Variants in LALBA observed in about 807,000 individuals in gnomAD.
The protein encoded by LALBA is alpha-lactalbumin.
LALBA carries 12 observed loss-of-function variants against 13.4 expected under a neutral mutation model. The ratio of observed to expected loss-of-function variants is 0.89; its 90% confidence interval spans 0.57 to 1.45. LALBA has a LOEUF of 1.45. LALBA is among the 40% of genes most tolerant of loss of function. The pLI is 0.00. For missense variants in LALBA, 145 were observed against 165.9 expected (o/e 0.87, Z 0.69); for synonymous variants, 64 against 61.0 (o/e 1.05, Z -0.23).
chr12:48,569,237 A>T lies in LALBA; in HGVS notation c.137T>A (p.Ile46Asn), dbSNP rs1450733473. 1 of 1,611,392 alleles carries T rather than the reference A, an allele frequency of 6.2e-7. No individual in the cohort carries two copies. The highest frequency in any genetic ancestry group is 8.5e-7 in the Non-Finnish European group (1 of 1,178,204). Residue 46 changes from isoleucine (I) to asparagine (N), a missense_variant, in exon 2 of 4, where the codon ATC (isoleucine) becomes AAC (asparagine). By Grantham distance (149) the Ile-to-Asn change is moderately radical (BLOSUM62 -3). Transcript: ENST00000301046. ...GYGGIALPEL[I>N]CTMFHTSGYD... ...ACCACTGGTGTGAAACATGGTACAG[A>T]TCACTGAGGGAAAGATGAGAAAGAG...
In LALBA at chr12:48,567,834, C is replaced by T. The variant is rs1242743842; in HGVS notation, c.*123G>A. ...CTTCAAGAATTCGGTGATGTCACTA[C>T]AGGGCCCAAGGCTCAGAGACAGATA... is the stretch of plus-strand genomic sequence containing the variant. On this transcript the variant is annotated 3_prime_UTR_variant, in exon 4 of 4. Transcript: ENST00000301046. 1.2e-5 allele frequency: 10 copies of T among 827,926 alleles called. No individual in the cohort carries two copies. The highest frequency in any genetic ancestry group is 5.1e-5 in the African/African-American group (3 of 59,006). 51.3% of individuals were successfully genotyped at this position (827,926 alleles called of 1,614,324 possible). A position where few individuals can be genotyped will look rare whatever the true frequency, so the allele number is the denominator to read the frequency against.
In LALBA at chr12:48,568,513, T is replaced by C; in HGVS notation, c.368+4A>G. On this transcript the variant is annotated splice_donor_region_variant and intron_variant, in intron 3 of 3. Transcript: ENST00000301046. The stretch of plus-strand genomic sequence containing the variant: ...GGGAAATAGAAAATAGAATAAGGAT[T>C]CACCAGTAGTCAATTCCTTTAATAT... 1 of 1,506,088 alleles carries C rather than the reference T, an allele frequency of 6.6e-7. No homozygotes were observed. Among genetic ancestry groups the C allele is most frequent in the Non-Finnish European group, 9.2e-7 (1 of 1,082,702 alleles). The allele number at this position is 1,506,088 out of a possible 1,614,324, so 93.3% of individuals were successfully genotyped here.
intron 2 of LALBA, 55 bp from the exon 3 acceptor site, chr12:48,568,647 G>T: frequency 9.4e-7 from 1 of 1,061,440 alleles, no homozygotes; most frequent in Non-Finnish European, 1.4e-6. Context: ...TACCCAGAAA[G>T]GCACTGAGTT....
chr12:48,570,016 C>T lies in LALBA; in HGVS notation c.5G>A (p.Arg2Lys), dbSNP rs201022175. 1 of 1,613,916 alleles carries T rather than the reference C, an allele frequency of 6.2e-7. No homozygotes were observed. Among genetic ancestry groups the T allele is most frequent in the Non-Finnish European group, 8.5e-7 (1 of 1,179,960 alleles). The change falls in exon 1 of 4, where the codon AGG becomes AAG. Residue 2 changes from arginine to lysine, a missense_variant. Transcript: ENST00000301046. M[R>K]FFVPLFLVGI... ...CACCAGGAACAGAGGGACAAAGAACCTCATTTTGGCTACCCCCAAGAACCT... is the reference window on the plus strand; with the variant it reads ...CACCAGGAACAGAGGGACAAAGAACTTCATTTTGGCTACCCCCAAGAACCT...
upstream of LALBA, among the ~76,000 whole-genome samples, chr12:48,571,566 G>A (rs1418297215): frequency 6.6e-6 from 1 of 151,712 alleles, no homozygotes; most frequent in Non-Finnish European, 1.5e-5. Flanking sequence ...TGTATTTTTA[G>A]TAGAGACGGA....
Position 48,569,977 on chromosome 12 carries a change from G to A in LALBA, c.44C>T (p.Pro15Leu), listed in dbSNP as rs1452345511. The A allele has an allele frequency of 6.2e-7, 1 of 1,614,036 alleles. No individual in the cohort carries two copies. Residue 15 changes from proline to leucine, a missense_variant, in exon 1 of 4, where the codon CCT becomes CTT. Transcript: ENST00000301046. ...VPLFLVGILF[P>L]AILAKQFTKC... ...TGTGAATTGCTTGGCCAGGATGGCA[G>A]GGAACAGGATGCCCACCAGGAACAG...
rs1185235649 is a variant in LALBA, at chr12:48,567,851, A to G, written c.*106T>C. On this transcript the variant is annotated 3_prime_UTR_variant, in exon 4 of 4. Coordinates refer to ENST00000301046, the MANE Select transcript of LALBA (RefSeq NM_002289.3). ...TGTCACTACAGGGCCCAAGGCTCAG[A>G]GACAGATAAGCTTTGGGGGAACAGA... 3.1e-6 allele frequency: 3 copies of G among 958,228 alleles called. No homozygotes were observed. The African/African-American group carries it at 4.9e-5, about 16-fold the overall frequency. 59.4% of individuals were successfully genotyped at this position (958,228 alleles called of 1,614,324 possible).
rs781081623 is a variant in LALBA at position 48,569,184 on chromosome 12, T to C, written c.190A>G (p.Asn64Asp). ...AAGAGTCCATATTCCGTGCTTTCATTGTTTTCAACTATGGCTTGTGTGTCA... is the reference window on the plus strand; with the variant it reads ...AAGAGTCCATATTCCGTGCTTTCATCGTTTTCAACTATGGCTTGTGTGTCA... ...GYDTQAIVEN[N>D]ESTEYGLFQI... The change falls in exon 2 of 4, where the codon AAT (asparagine) becomes GAT (aspartate). Residue 64 changes from asparagine to aspartate, a missense_variant. Physicochemically the swap from Asn to Asp is conservative, Grantham distance 23 (BLOSUM62 1). Coordinates refer to ENST00000301046, the MANE Select transcript of LALBA (RefSeq NM_002289.3). The C allele has an allele frequency of 8.7e-6, 14 of 1,613,428 alleles. No individual in the cohort carries two copies. Among genetic ancestry groups the C allele is most frequent in the Admixed American group, 3.3e-5 (2 of 59,954 alleles).
At chr12:48,570,110 A>C, upstream of LALBA, 2 of 1,378,888 alleles carry the variant, frequency 1.5e-6, no homozygotes, top group South Asian at 2.4e-5. Context: ...TCTGGTACCA[A>C]GCCCTACATC....
chr12:48,570,330 G>A (rs1938618357), upstream of LALBA, among the ~76,000 whole-genome samples: 1 of 152,138 alleles, frequency 6.6e-6, no homozygotes, highest in Non-Finnish European at 1.5e-5. Flanking sequence ...TTGGTTCTGG[G>A]AAGCACTGTC....
Position 48,569,913 on chromosome 12 carries a change from A to T in LALBA, c.108T>A (p.Gly36=), listed in dbSNP as rs763593490. 15 of 1,614,068 alleles carry T rather than the reference A, an allele frequency of 9.3e-6. No homozygotes were observed. Among genetic ancestry groups the T allele is most frequent in the Admixed American group, 3.3e-5 (2 of 59,998 alleles). Residue 36 remains glycine, a synonymous_variant, in exon 1 of 4, where the codon GGT becomes GGA. Coordinates refer to ENST00000301046, the MANE Select transcript of LALBA (RefSeq NM_002289.3). ...ATTCAGGCAAAGCGATGCCTCCATA[A>T]CCATCTATGTCTTTCAGCAGCTGGG... ...ELSQLLKDID[G]YGGIALPELI... is the part of the protein sequence containing the mutation.
chr12:48,568,726 G>T, intron 2 of LALBA, 134 bp from the exon 3 acceptor site: 1 of 618,562 alleles, frequency 1.6e-6, no homozygotes. Flanking sequence ...CTATATGAAA[G>T]GACCAATGTG....
chr12:48,569,041 C>T, intron 2 of LALBA, 41 bp downstream of exon 2: 1 of 1,535,942 alleles, frequency 6.5e-7, no homozygotes, highest in Non-Finnish European at 8.8e-7. Flanking sequence ...CAAGGGCAGG[C>T]CTCAGAAAAA....
chr12:48,569,358 A>G, intron 1 of LALBA, 118 bp from the exon 2 acceptor site: 1 of 853,808 alleles, frequency 1.2e-6, no homozygotes, highest in Non-Finnish European at 1.8e-6. Flanking sequence ...CAAAGCTCAG[A>G]GTTTCTTGAT....
At chr12:48,568,360 G>C (rs1045350712) in intron 3 of LALBA, 157 bp downstream of exon 3, 5 of 652,510 alleles carry the variant, frequency 7.7e-6, no homozygotes, top group African/African-American at 5.5e-5. Flanking sequence ...GAGCGAGAGA[G>C]GCTTAATAAC....
chr12:48,569,060 G>T, intron 2 of LALBA, 22 bp downstream of exon 2: 1 of 1,575,848 alleles, frequency 6.3e-7, no homozygotes, highest in South Asian at 1.2e-5. Context: ...AACAGAGAAA[G>T]AGGGTTATAG....
upstream of LALBA, among the ~76,000 whole-genome samples, chr12:48,571,711 A>G (rs1255094543): frequency 1.3e-5 from 2 of 152,076 alleles, no homozygotes; most frequent in Non-Finnish European, 2.9e-5. Flanking sequence ...GGGAACATTT[A>G]TCCCAACCAA....
At chr12:48,571,759 G>C (rs1453643608), upstream of LALBA, among the ~76,000 whole-genome samples, 1 of 152,030 alleles carries the variant, frequency 6.6e-6, no homozygotes. Context: ...CTTCCATATC[G>C]TTATCTCCTA....
rs756985675 is a variant in LALBA at position 48,569,848 on chromosome 12, C to A, written c.133+40G>T. 7.5e-6 allele frequency: 12 copies of A among 1,604,252 alleles called. No individual in the cohort carries two copies. The African/African-American group carries it at 1.5e-4, about 20-fold the overall frequency. ...AGAAAGAGGGGATGGAGGAGAGAAGCGTATGAGGAATGGATGAAACACAGA... is the reference window on the plus strand; with the variant it reads ...AGAAAGAGGGGATGGAGGAGAGAAGAGTATGAGGAATGGATGAAACACAGA... On this transcript the variant is annotated intron_variant, in intron 1 of 3. Transcript: ENST00000301046.
Sources: gnomAD v4.1 joint callset for allele counts (sites outside exome capture counted in the v4.1 genomes callset) on GRCh38, gnomAD v4.1.1 for gene constraint, MANE v1.5 for transcripts, NCBI Gene and HGNC (gene_info 2026-07-23, HGNC 2026-07-21) for gene names.